The following FAAH2 variants were observed in gnomAD, a reference collection of about 807,000 sequenced individuals.
FAAH2 encodes fatty acid amide hydrolase 2.
A neutral mutation model predicts 36.9 loss-of-function variants in FAAH2; 60 were observed. The observed-to-expected ratio is 1.63, with a 90% CI of 1.32 to 2.02. The LOEUF (loss-of-function observed/expected upper bound fraction) is 2.02, where lower values mean the gene tolerates loss of function less well. Among genes scored for constraint, FAAH2 ranks in the 30% most tolerant of loss-of-function variants. The probability of loss-of-function intolerance (pLI) is 0.00; values close to 1 mark genes in which losing one functional copy is unlikely to be tolerated. For synonymous variants in FAAH2, 214 were observed against 143.8 expected (o/e 1.49, Z -3.49); for missense variants, 689 against 397.5 (o/e 1.73, Z -6.23).
intron 7 of FAAH2, among the ~76,000 whole-genome samples, chrX:57,398,412 A>C (rs1007640010): frequency 8.9e-6 from 1 of 112,131 alleles, no homozygotes; most frequent in African/African-American, 3.2e-5. Context: ...AAAATCAGGA[A>C]ATGTTTCCTG....
At chrX:57,446,308 A>G (rs2056672889) in intron 8 of FAAH2, among the ~76,000 whole-genome samples, 1 of 111,738 alleles carries the variant, frequency 8.9e-6, no homozygotes, top group African/African-American at 3.3e-5. Flanking sequence ...GTTCTTATGA[A>G]TGTGTTTTCT....
intron 8 of FAAH2, among the ~76,000 whole-genome samples, chrX:57,439,816 A>T (rs750672475): frequency 3.1e-4 from 35 of 111,968 alleles, no homozygotes; most frequent in African/African-American, 1.1e-3. Context: ...AGCTTTCTAC[A>T]TATGGCTAGC....
chrX:57,429,168 T>C (rs1168952147), intron 7 of FAAH2, among the ~76,000 whole-genome samples: 1 of 108,748 alleles, frequency 9.2e-6, no homozygotes, highest in Non-Finnish European at 1.9e-5. Flanking sequence ...ACCCCATCTC[T>C]ACTAAAAATA....
chrX:57,175,771 T>C, the FAAH2 span, among the ~76,000 whole-genome samples: 1 of 111,854 alleles, frequency 8.9e-6, no homozygotes, highest in African/African-American at 3.2e-5. Context: ...CTAGTGTTGA[T>C]GGATAACCTC....
intron 5 of FAAH2, among the ~76,000 whole-genome samples, chrX:57,367,004 C>A (rs1248949173): frequency 8.9e-6 from 1 of 112,424 alleles, no homozygotes; most frequent in Non-Finnish European, 1.9e-5. Flanking sequence ...TCTCTGCCAA[C>A]TCTCCAGGCA....
At chrX:57,330,141 C>A (rs1380338190) in intron 3 of FAAH2, among the ~76,000 whole-genome samples, 2 of 111,728 alleles carry the variant, frequency 1.8e-5, no homozygotes, top group Non-Finnish European at 3.8e-5. Flanking sequence ...AGAGAGATAA[C>A]CTTAAACTCT....
At chrX:57,462,165 CAAAA>C (rs34690622) in intron 10 of FAAH2, among the ~76,000 whole-genome samples, 11 of 51,843 alleles carry the variant, frequency 2.1e-4, no homozygotes, top group East Asian at 6.3e-4. Flanking sequence ...TAATAGCCTA[CAAAA>C]AAAAAAAAAA....
intron 5 of FAAH2, among the ~76,000 whole-genome samples, chrX:57,363,776 G>A (rs942577182): frequency 9.0e-6 from 1 of 110,959 alleles, no homozygotes; most frequent in South Asian, 3.8e-4. Context: ...AACATTGGAG[G>A]TATGATGAAT....
In FAAH2 at chrX:57,376,068, T is replaced by C. The variant is rs1361093417; in HGVS notation, c.743-2583T>C. ...CAAGAGCAAGTGGGCTGGATATTAT[T>C]CTGTTTCATTATCTTAATCCTTGTG... On this transcript the variant is annotated intron_variant, in intron 5 of 10. Transcript: ENST00000374900. Among the ~76,000 whole-genome samples, 3 of 111,516 alleles carry C rather than the reference T, an allele frequency of 2.7e-5. No homozygotes were observed. The Admixed American group carries it at 2.9e-4, about 11-fold the overall frequency.
chrX:57,320,852 G>T (rs1166551171), intron 3 of FAAH2, among the ~76,000 whole-genome samples: 1 of 112,335 alleles, frequency 8.9e-6, no homozygotes, highest in African/African-American at 3.2e-5. Context: ...AAAAAAAGAT[G>T]AGTTGGCTGG....
intron 3 of FAAH2, among the ~76,000 whole-genome samples, chrX:57,315,556 T>C (rs1003025392): frequency 9.0e-6 from 1 of 111,630 alleles, no homozygotes; most frequent in Admixed American, 9.5e-5. Flanking sequence ...AAAAGTTAAC[T>C]CATTATGATC....
chrX:57,272,047 G>A, the FAAH2 span, among the ~76,000 whole-genome samples: 2 of 108,911 alleles, frequency 1.8e-5, no homozygotes, highest in Non-Finnish European at 3.8e-5. Flanking sequence ...AACTAATGTA[G>A]AGAAGAACAT....
At position 57,337,755 on chromosome X, in the gene FAAH2, C is replaced by G. The variant is rs983492955; in HGVS notation, c.623-3516C>G. Among the ~76,000 whole-genome samples, 3 of 111,745 alleles carry G rather than the reference C, an allele frequency of 2.7e-5. No individual in the cohort carries two copies. The South Asian group carries it at 1.1e-3, about 41-fold the overall frequency. ...AACTAGGTATTGAAGGAACATACCTCAAAATAATAAGATCTGTATTTGACA... is the reference window on the plus strand; with the variant it reads ...AACTAGGTATTGAAGGAACATACCTGAAAATAATAAGATCTGTATTTGACA... On this transcript the variant is annotated intron_variant, in intron 4 of 10. Coordinates refer to ENST00000374900, the MANE Select transcript of FAAH2 (RefSeq NM_174912.4).
intron 8 of FAAH2, among the ~76,000 whole-genome samples, chrX:57,437,148 G>A (rs1461377810): frequency 9.0e-6 from 1 of 111,431 alleles, no homozygotes; most frequent in Non-Finnish European, 1.9e-5. Flanking sequence ...CTCAAGAGAT[G>A]CAGGAAAAAG....
intron 7 of FAAH2, 63 bp downstream of exon 7, chrX:57,381,092 T>A: frequency 1.3e-6 from 1 of 798,580 alleles, no homozygotes; most frequent in Non-Finnish European, 1.8e-6. Context: ...TTCTGAGCCC[T>A]TTACTTCACT....
At chrX:57,269,143 A>G in the FAAH2 span, among the ~76,000 whole-genome samples, 222 of 111,893 alleles carry the variant, frequency 2.0e-3, 1 homozygote, top group Non-Finnish European at 2.1e-3. Flanking sequence ...ACGTCAAATA[A>G]TGGTGAAAGA....
the FAAH2 span, among the ~76,000 whole-genome samples, chrX:57,210,718 CT>C: frequency 2.7e-5 from 3 of 112,124 alleles, no homozygotes; most frequent in Non-Finnish European, 3.8e-5. Context: ...CCCACCATTT[CT>C]ATTGAAGATG....
chrX:57,158,336 T>C, the FAAH2 span, among the ~76,000 whole-genome samples: 1 of 112,464 alleles, frequency 8.9e-6, no homozygotes, highest in East Asian at 2.8e-4. Context: ...TATAGAAGCA[T>C]GATTTATAAT....
At chrX:57,208,746 A>G in the FAAH2 span, among the ~76,000 whole-genome samples, 1 of 112,263 alleles carries the variant, frequency 8.9e-6, no homozygotes, top group African/African-American at 3.2e-5. Flanking sequence ...TAGATTTACT[A>G]AAAGTATTCC....
Sources: allele counts gnomAD v4.1 joint callset (sites outside exome capture counted in the v4.1 genomes callset), GRCh38; gene constraint gnomAD v4.1.1; transcripts MANE v1.5; gene names NCBI Gene and HGNC (gene_info 2026-07-23, HGNC 2026-07-21).